PLEKHH2: variants seen among roughly 807,000 people sequenced by gnomAD.
PLEKHH2 encodes the protein pleckstrin homology domain-containing family H member 2.
Under a neutral mutation model 187.9 loss-of-function variants are expected in PLEKHH2, and 129 were observed. The ratio of observed to expected loss-of-function variants is 0.69; its 90% CI spans 0.59 to 0.79. The LOEUF (loss-of-function observed/expected upper bound fraction) is 0.79, where lower values mean the gene tolerates loss of function less well. Ranked by LOEUF, PLEKHH2 falls within the 30% of genes least tolerant of loss-of-function variation. PLEKHH2 has a pLI of 0.00. For synonymous variants in PLEKHH2, 686 were observed against 605.6 expected (o/e 1.13, Z -1.95); for missense variants, 2,076 against 1,751.2 (o/e 1.19, Z -3.31).
intron 2 of PLEKHH2, among the ~76,000 whole-genome samples, chr2:43,647,352 T>A (rs1666230371): frequency 6.6e-6 from 1 of 152,228 alleles, no homozygotes; most frequent in Admixed American, 6.5e-5. Context: ...TTGACTGAGT[T>A]CACACTAAAA....
intron 2 of PLEKHH2, among the ~76,000 whole-genome samples, chr2:43,677,885 T>C (rs7564100): frequency 0.23 from 33,031 of 146,176 alleles, 4,128 homozygotes; most frequent in Middle Eastern, 0.32. Flanking sequence ...GGGGCTGATC[T>C]CCCCACCTCC....
intron 2 of PLEKHH2, among the ~76,000 whole-genome samples, chr2:43,648,021 T>C (rs1010031893): frequency 1.3e-5 from 2 of 152,172 alleles, no homozygotes; most frequent in Admixed American, 1.3e-4. Flanking sequence ...GAATTAACAT[T>C]AAGGCTGAGA....
At chr2:43,736,231 G>T (rs1671284459) in intron 19 of PLEKHH2, among the ~76,000 whole-genome samples, 1 of 152,124 alleles carries the variant, frequency 6.6e-6, no homozygotes, top group Non-Finnish European at 1.5e-5. Flanking sequence ...TACAAAATAA[G>T]CAAAAAACAA....
intron 19 of PLEKHH2, 125 bp from the exon 20 acceptor site, chr2:43,738,216 A>G: frequency 2.6e-6 from 2 of 758,980 alleles, no homozygotes; most frequent in Non-Finnish European, 4.0e-6. Context: ...GATTAGTGTT[A>G]TCATAATATA....
chr2:43,760,609 C>T (rs186662780), intron 27 of PLEKHH2, among the ~76,000 whole-genome samples: 102 of 152,282 alleles, frequency 6.7e-4, no homozygotes, highest in Non-Finnish European at 1.2e-3. Context: ...GTGATCCACC[C>T]GCCTCGGCCT....
At chr2:43,681,119 A>AC in intron 3 of PLEKHH2, 1 of 934,764 alleles carries the variant, frequency 1.1e-6, no homozygotes, top group Non-Finnish European at 1.7e-6. Flanking sequence ...TATGGTTGTG[A>AC]AACCAAGTCA....
chr2:43,687,079 A>G (rs1668560049), intron 3 of PLEKHH2, among the ~76,000 whole-genome samples: 1 of 152,146 alleles, frequency 6.6e-6, no homozygotes, highest in Non-Finnish European at 1.5e-5. Context: ...GGTTTGGGAT[A>G]TGGATGATTC....
intron 2 of PLEKHH2, among the ~76,000 whole-genome samples, chr2:43,649,044 G>C (rs1204398027): frequency 2.0e-5 from 3 of 152,106 alleles, no homozygotes; most frequent in Admixed American, 1.3e-4. Context: ...TAGAAAAGTT[G>C]TTTTGCACCT....
At chr2:43,680,908 G>C in intron 3 of PLEKHH2, 1 of 630,262 alleles carries the variant, frequency 1.6e-6, no homozygotes, top group Non-Finnish European at 2.8e-6. Context: ...TTTCTGCCTG[G>C]TTGAAATTTA....
chr2:43,695,165 T>G lies in PLEKHH2; in HGVS notation c.443T>G (p.Leu148Arg). 1 of 1,597,346 alleles carries G rather than the reference T, an allele frequency of 6.3e-7. No individual in the cohort carries two copies. The highest frequency in any genetic ancestry group is 8.6e-7 in the Non-Finnish European group (1 of 1,169,128). Residue 148 changes from leucine to arginine, a missense_variant, in exon 6 of 30, where the codon CTT (leucine) becomes CGT (arginine). Physicochemically the swap from Leu to Arg is moderately radical, Grantham distance 102. Transcript: ENST00000282406. ...TAGCTGGAATTGGAGAATCAGAATCTTCGTTTGATCAACCAAAACCAAACT... is the reference window on the plus strand; with the variant it reads ...TAGCTGGAATTGGAGAATCAGAATCGTCGTTTGATCAACCAAAACCAAACT... ...LNELELENQN[L>R]RLINQNQTEE...
In PLEKHH2 at chr2:43,697,267, C is replaced by G. The variant is rs1299787026; in HGVS notation, c.599C>G (p.Ala200Gly). The change falls in exon 7 of 30, where the codon GCA becomes GGA. Residue 200 changes from alanine (A) to glycine (G), a missense_variant. Transcript: ENST00000282406. ...ACCTTTGGGTGCTTTTTATCTCGAG[C>G]AAGGAGTCCTCCTCAAGTAGTAAAA... is the stretch of plus-strand genomic sequence containing the variant. The part of the protein sequence containing the change: ...SLTFGCFLSR[A>G]RSPPQVVKSE... 8.1e-6 allele frequency: 13 copies of G among 1,613,606 alleles called. No individual in the cohort carries two copies. Among genetic ancestry groups the G allele is most frequent in the South Asian group, 4.4e-5 (4 of 91,052 alleles).
At chr2:43,720,328 T>C (rs1670422746) in intron 15 of PLEKHH2, among the ~76,000 whole-genome samples, 1 of 151,820 alleles carries the variant, frequency 6.6e-6, no homozygotes, top group Admixed American at 6.6e-5. Context: ...GGGGTGCACG[T>C]GCAGGTTTGT....
At position 43,699,899 on chromosome 2, in the gene PLEKHH2, G is replaced by A. The variant is rs1284166450; in HGVS notation, c.941G>A (p.Gly314Glu). The A allele has an allele frequency of 2.5e-6, 4 of 1,613,980 alleles. No homozygotes were observed. Among genetic ancestry groups the A allele is most frequent in the Non-Finnish European group, 3.4e-6 (4 of 1,180,006 alleles). Reference sequence around the variant, plus strand: ...CTCTCCAGTCACACATCTGAGGAAGGGGTCCAGTGTAGCAGGATGGGAAGT... The same window carrying A: ...CTCTCCAGTCACACATCTGAGGAAGAGGTCCAGTGTAGCAGGATGGGAAGT... ...STLSSHTSEE[G>E]VQCSRMGSEM... is the part of the protein sequence containing the mutation. The change falls in exon 8 of 30, where the codon GGG (glycine) becomes GAG (glutamate). Residue 314 changes from glycine (G) to glutamate (E), a missense_variant. Transcript: ENST00000282406.
chr2:43,766,645 G>A lies in PLEKHH2; in HGVS notation c.*1047G>A, dbSNP rs955233055. 2.0e-5 allele frequency: 3 copies of A among 152,328 alleles called. No homozygotes were observed. Among genetic ancestry groups the A allele is most frequent in the African/African-American group, 7.2e-5 (3 of 41,406 alleles). The allele number at this position is 152,328 out of a possible 1,614,324, so 9.4% of individuals were successfully genotyped here. A position where few individuals can be genotyped will look rare whatever the true frequency, so the allele number is the denominator to read the frequency against. On this transcript the variant is annotated 3_prime_UTR_variant, in exon 30 of 30. Transcript: ENST00000282406. ...GGCAGGGTCTCACTCTGGTTGCCCA[G>A]GCTGGAGTGCAGTGGTGCCATCATA...
intron 2 of PLEKHH2, among the ~76,000 whole-genome samples, chr2:43,651,423 G>A (rs1369070612): frequency 2.6e-5 from 4 of 152,214 alleles, no homozygotes; most frequent in Non-Finnish European, 5.9e-5. Flanking sequence ...GTTTCTTTCT[G>A]TGATAAGTTC....
intron 19 of PLEKHH2, among the ~76,000 whole-genome samples, chr2:43,734,930 G>A (rs939000346): frequency 1.3e-5 from 2 of 152,206 alleles, no homozygotes; most frequent in Non-Finnish European, 2.9e-5. Flanking sequence ...GGGAGGCCAA[G>A]GCAGCCAGGT....
At chr2:43,668,369 T>C (rs1667326250) in intron 2 of PLEKHH2, among the ~76,000 whole-genome samples, 1 of 152,234 alleles carries the variant, frequency 6.6e-6, no homozygotes, top group Admixed American at 6.5e-5. Flanking sequence ...AAAATATATA[T>C]ACATAGATGT....
In PLEKHH2 at chr2:43,767,099, G is replaced by A. The variant is rs1263468914; in HGVS notation, c.*1501G>A. ...GACATGAAAATTATATTATTAAAAT[G>A]TTCAATTGTAATGGTAATCATGAGT... On this transcript the variant is annotated 3_prime_UTR_variant, in exon 30 of 30. Coordinates refer to ENST00000282406, the MANE Select transcript of PLEKHH2 (RefSeq NM_172069.4). 7 of 152,554 alleles carry A rather than the reference G, an allele frequency of 4.6e-5. No homozygotes were observed. The highest frequency in any genetic ancestry group is 1.7e-4 in the African/African-American group (7 of 41,398). The allele number at this position is 152,554 out of a possible 1,614,324, so 9.5% of individuals were successfully genotyped here.
intron 3 of PLEKHH2, among the ~76,000 whole-genome samples, chr2:43,685,976 C>G (rs1668484299): frequency 6.6e-6 from 1 of 152,116 alleles, no homozygotes; most frequent in African/African-American, 2.4e-5. Context: ...AAGTATGTGT[C>G]TTTTTATTTT....
Sources: gnomAD v4.1 joint callset for allele counts (sites outside exome capture counted in the v4.1 genomes callset) on GRCh38, gnomAD v4.1.1 for gene constraint, MANE v1.5 for transcripts, NCBI Gene and HGNC (gene_info 2026-07-23, HGNC 2026-07-21) for gene names.